The following SLC38A1 variants were observed in gnomAD, a reference collection of about 807,000 sequenced individuals.
SLC38A1 encodes the protein solute carrier family 38 member 1, also known as sodium-coupled neutral amino acid symporter 1.
A neutral mutation model predicts 60.3 loss-of-function variants in SLC38A1; 18 were observed. The observed-to-expected ratio is 0.30, with a 90% confidence interval of 0.21 to 0.44. The LOEUF is 0.44. Ranked by LOEUF, SLC38A1 falls within the 20% of genes least tolerant of loss-of-function variation. The probability of loss-of-function intolerance (pLI) is 1.00; values close to 1 mark genes in which losing one functional copy is unlikely to be tolerated. For missense variants in SLC38A1, 448 were observed against 587.2 expected, an observed-to-expected ratio of 0.76 and a Z score of 2.45; for synonymous variants, 196 against 212.1, an observed-to-expected ratio of 0.92 and a Z score of 0.66.
At chr12:46,203,849 C>T (rs1409414754) in intron 11 of SLC38A1, among the ~76,000 whole-genome samples, 2 of 152,184 alleles carry the variant, frequency 1.3e-5, no homozygotes, top group African/African-American at 4.8e-5. Context: ...AAATCCAAGC[C>T]TGACTGACTC....
In SLC38A1 at chr12:46,187,242, GGGGAT is replaced by G. The variant is rs1353317469; in HGVS notation, c.*1723_*1727del. ...ATTCTCAGTGAGAGTGAAGGCCTTTGGGGATTTGAGTCAGGAAGGGAACATGGCTA... is the reference window on the plus strand; with the variant it reads ...ATTCTCAGTGAGAGTGAAGGCCTTTGTTGAGTCAGGAAGGGAACATGGCTA... On this transcript the variant is annotated 3_prime_UTR_variant, in exon 17 of 17. Coordinates refer to ENST00000398637, the MANE Select transcript of SLC38A1 (RefSeq NM_030674.4). The G allele has an allele frequency of 2.0e-5, 3 of 152,210 alleles. No homozygotes were observed. Among genetic ancestry groups the G allele is most frequent in the African/African-American group, 7.2e-5 (3 of 41,448 alleles). 9.4% of individuals were successfully genotyped at this position (152,210 alleles called of 1,614,324 possible).
intron 3 of SLC38A1, among the ~76,000 whole-genome samples, chr12:46,237,733 CTGACTATTATAAA>C (rs767338485): frequency 1.8e-4 from 28 of 151,902 alleles, no homozygotes; most frequent in Non-Finnish European, 2.8e-4. Context: ...AGATTCTAAA[CTGACTATTATAAA>C]TGACTCCCAC....
At chr12:46,201,912 G>GC (rs1245073825) in intron 12 of SLC38A1, among the ~76,000 whole-genome samples, 1 of 150,490 alleles carries the variant, frequency 6.6e-6, no homozygotes, top group African/African-American at 2.5e-5. Context: ...GGAGAAGTAG[G>GC]CCCCGCGCGG....
intron 1 of SLC38A1, among the ~76,000 whole-genome samples, chr12:46,253,902 G>A (rs144916911): frequency 1.2e-4 from 18 of 152,218 alleles, no homozygotes; most frequent in African/African-American, 3.6e-4. Context: ...GGGTAGAGAC[G>A]CGCTCAGTCA....
intron 1 of SLC38A1, among the ~76,000 whole-genome samples, chr12:46,252,645 G>GA (rs902466369): frequency 6.6e-6 from 1 of 151,648 alleles, no homozygotes; most frequent in African/African-American, 2.4e-5. Context: ...CAACCAAAAA[G>GA]AAAAAAGTTC....
intron 16 of SLC38A1, chr12:46,196,333 C>T (rs942944680): frequency 4.6e-6 from 7 of 1,529,314 alleles, no homozygotes; most frequent in Middle Eastern, 1.8e-4. Flanking sequence ...GCATACCATC[C>T]TGGGTCCAGT....
chr12:46,254,194 T>C (rs1941949212), intron 1 of SLC38A1, among the ~76,000 whole-genome samples: 2 of 152,202 alleles, frequency 1.3e-5, no homozygotes, highest in Non-Finnish European at 2.9e-5. Flanking sequence ...AATTGGAATA[T>C]TGATCCAGAT....
chr12:46,187,054 A>G lies in SLC38A1; in HGVS notation c.*1916T>C, dbSNP rs1938961606. ...GGCCATGGATATGGCTAGGTTAGGT[A>G]TTCATATCCAAATATCTGAACTCTA... On this transcript the variant is annotated 3_prime_UTR_variant, in exon 17 of 17. Transcript: ENST00000398637. The G allele has an allele frequency of 1.3e-5, 2 of 152,204 alleles. 1 individual carries two copies. The highest frequency in any genetic ancestry group is 2.9e-5 in the Non-Finnish European group (2 of 68,042). The allele number at this position is 152,204 out of a possible 1,614,324, so 9.4% of individuals were successfully genotyped here. A position where few individuals can be genotyped will look rare whatever the true frequency, so the allele number is the denominator to read the frequency against.
At position 46,197,749 on chromosome 12, in the gene SLC38A1, C is replaced by G; in HGVS notation, c.1333G>C (p.Asp445His). ...ATTCTTTGAGTTCCTTTATCTCCAT[C>G]CTGGTCTGTGATTTTTAAATAAAGA... Reference protein sequence around the residue: ...SSLYLKITDQDGDKGTQRIWA... With the variant: ...SSLYLKITDQHGDKGTQRIWA... Residue 445 changes from aspartate to histidine, a missense_variant, in exon 16 of 17, where the codon GAT becomes CAT. Around this residue, in one of 2 missense-constraint regions of SLC38A1, gnomAD observed 346 missense variants for 497.5 expected, o/e 0.70. Coordinates refer to ENST00000398637, the MANE Select transcript of SLC38A1 (RefSeq NM_030674.4). 6.2e-7 allele frequency: 1 copy of G among 1,602,390 alleles called. No individual in the cohort carries two copies. Among genetic ancestry groups the G allele is most frequent in the South Asian group, 1.1e-5 (1 of 87,956 alleles).
chr12:46,247,251 T>C (rs1941653353), intron 1 of SLC38A1, among the ~76,000 whole-genome samples: 1 of 152,196 alleles, frequency 6.6e-6, no homozygotes, highest in African/African-American at 2.4e-5. Flanking sequence ...TAAAGGAGGA[T>C]GTTCTATCCC....
chr12:46,198,124 G>A (rs80046507), intron 14 of SLC38A1, 64 bp from the exon 15 acceptor site: 16,805 of 1,512,164 alleles, frequency 0.011, 590 homozygotes, highest in South Asian at 0.079. Flanking sequence ...ACATTTCTCT[G>A]CAGAGTAACT....
At chr12:46,265,354 T>C (rs1942320218) in intron 1 of SLC38A1, among the ~76,000 whole-genome samples, 1 of 152,186 alleles carries the variant, frequency 6.6e-6, no homozygotes, top group Non-Finnish European at 1.5e-5. Context: ...ATGTGAAGGA[T>C]AAACAAATAC....
At chr12:46,196,955 A>C (rs1278302688) in intron 16 of SLC38A1, among the ~76,000 whole-genome samples, 1 of 152,232 alleles carries the variant, frequency 6.6e-6, no homozygotes, top group East Asian at 1.9e-4. Context: ...ATAATAAAAA[A>C]GACTATTTAA....
At chr12:46,250,501 G>C (rs1376277928) in intron 1 of SLC38A1, among the ~76,000 whole-genome samples, 1 of 152,186 alleles carries the variant, frequency 6.6e-6, no homozygotes, top group Non-Finnish European at 1.5e-5. Context: ...AATCAGGCAA[G>C]AGAAAGAAAT....
chr12:46,232,559 A>C (rs1353150501), intron 3 of SLC38A1, among the ~76,000 whole-genome samples: 1 of 152,234 alleles, frequency 6.6e-6, no homozygotes, highest in Non-Finnish European at 1.5e-5. Flanking sequence ...GCAGAATGGC[A>C]GGGGAAAGCA....
Position 46,188,923 on chromosome 12 carries a change from G to T in SLC38A1, c.*47C>A, listed in dbSNP as rs772564451. Reference sequence around the variant, plus strand: ...TGGTGAGAGATTGCTGATGTGTGGGGACTTGACTGAGCAGACAACAGGGAT... The same window carrying T: ...TGGTGAGAGATTGCTGATGTGTGGGTACTTGACTGAGCAGACAACAGGGAT... On this transcript the variant is annotated 3_prime_UTR_variant, in exon 17 of 17. Coordinates refer to ENST00000398637, the MANE Select transcript of SLC38A1 (RefSeq NM_030674.4). The T allele has an allele frequency of 1.4e-6, 2 of 1,474,414 alleles. No homozygotes were observed. The highest frequency in any genetic ancestry group is 9.5e-7 in the Non-Finnish European group (1 of 1,056,814). The allele number at this position is 1,474,414 out of a possible 1,614,324, so 91.3% of individuals were successfully genotyped here.
intron 5 of SLC38A1, among the ~76,000 whole-genome samples, chr12:46,217,201 A>G (rs74082017): frequency 6.6e-6 from 1 of 152,178 alleles, no homozygotes; most frequent in Non-Finnish European, 1.5e-5. Flanking sequence ...TAAATAAGGT[A>G]ACAAGGAGGT....
At position 46,266,523 on chromosome 12, in the gene SLC38A1, C is replaced by T. The variant is rs1006631407; in HGVS notation, c.-209+2003G>A. 2.0e-5 allele frequency among the ~76,000 whole-genome samples: 3 copies of T among 151,920 alleles called. No homozygotes were observed. In the East Asian group the frequency reaches 5.8e-4, roughly 29 times the overall value. On this transcript the variant is annotated intron_variant, in intron 1 of 16. Transcript: ENST00000398637. ...AAATAGCTGATCCCTTTTCATCATT[C>T]GGGTCTGAGGACAAATGTTATACCC... is the stretch of plus-strand genomic sequence containing the variant.
intron 1 of SLC38A1, among the ~76,000 whole-genome samples, chr12:46,247,036 C>G (rs1173506619): frequency 6.6e-6 from 1 of 152,146 alleles, no homozygotes; most frequent in Admixed American, 6.5e-5. Flanking sequence ...AGGTCACCAA[C>G]ATCAAAGACC....
Sources: gnomAD v4.1 joint callset for allele counts (sites outside exome capture counted in the v4.1 genomes callset) on GRCh38, gnomAD v4.1.1 for gene constraint, gnomAD v4.1.1 regional missense constraint, MANE v1.5 for transcripts, NCBI Gene and HGNC (gene_info 2026-07-23, HGNC 2026-07-21) for gene names.